Variants in UPP2 observed in about 807,000 individuals in gnomAD.
The protein encoded by UPP2 is UPase 2.
In UPP2, 23 loss-of-function variants were observed where a neutral mutation model predicts 26.7. That is an observed-to-expected ratio of 0.86 (90% CI 0.62 to 1.22). The LOEUF (loss-of-function observed/expected upper bound fraction) is 1.22. Among genes scored for constraint, UPP2 ranks in the 50% most tolerant of loss-of-function variants. UPP2 has a pLI of 0.00. For synonymous variants in UPP2, 127 were observed against 141.3 expected (o/e 0.90, Z 0.72); for missense variants, 387 against 396.7 (o/e 0.98, Z 0.21).
upstream of UPP2, among the ~76,000 whole-genome samples, chr2:158,101,363 C>T (rs1683071927): frequency 6.6e-6 from 1 of 152,150 alleles, no homozygotes; most frequent in African/African-American, 2.4e-5. Flanking sequence ...TACCAATGGC[C>T]TACAGTTTAA....
Position 158,003,462 on chromosome 2 carries a change from C to G in UPP2, c.61+8203C>G, listed in dbSNP as rs1683440481. 2.0e-5 allele frequency among the ~76,000 whole-genome samples: 3 copies of G among 152,122 alleles called. 1 individual carries two copies. In the South Asian group the frequency reaches 6.2e-4, roughly 32 times the overall value. On this transcript the variant is annotated intron_variant, in intron 2 of 9. Transcript: ENST00000605860. ...GTGGCTCATGCCTGTAATCCAAACA[C>G]TTTAGGAGGCCAAGGTGGGTGGATC...
chr2:158,046,455 CA>C (rs1217291088), intron 3 of UPP2, among the ~76,000 whole-genome samples: 1 of 152,158 alleles, frequency 6.6e-6, no homozygotes, highest in Non-Finnish European at 1.5e-5. Context: ...CTGCTTGCCC[CA>C]AGTTGTTTTT....
rs1682367909 is a variant in UPP2, at chr2:158,062,492, T to C, written c.148-39548T>C. On this transcript the variant is annotated intron_variant, in intron 3 of 9. Coordinates refer to the UPP2 transcript ENST00000605860. ...TTTAACCAGGGGTTTGCATCTTTTCTCAGGCACAGTGGGGAAAACATGCTA... is the reference window on the plus strand; with the variant it reads ...TTTAACCAGGGGTTTGCATCTTTTCCCAGGCACAGTGGGGAAAACATGCTA... Among the ~76,000 whole-genome samples, 3 of 148,986 alleles carry C rather than the reference T, an allele frequency of 2.0e-5. No homozygotes were observed. The South Asian group carries it at 6.4e-4, about 32-fold the overall frequency.
At chr2:158,031,402 G>C (rs549962478) in intron 3 of UPP2, among the ~76,000 whole-genome samples, 2 of 152,284 alleles carry the variant, frequency 1.3e-5, no homozygotes, top group Admixed American at 6.5e-5. Context: ...AAAGGAAATT[G>C]TTTCTTCCTG....
chr2:158,004,690 C>A (rs1295321999), intron 2 of UPP2, among the ~76,000 whole-genome samples: 2 of 152,166 alleles, frequency 1.3e-5, no homozygotes, highest in Non-Finnish European at 2.9e-5. Flanking sequence ...CAGTTAATAA[C>A]AAATTAACAT....
upstream of UPP2, among the ~76,000 whole-genome samples, chr2:158,097,793 G>C (rs543546876): frequency 2.0e-5 from 3 of 152,274 alleles, no homozygotes; most frequent in East Asian, 5.8e-4. Context: ...CTCCAAAAAA[G>C]AGCAAAACAA....
At chr2:158,006,127 T>C (rs1683483101) in intron 2 of UPP2, among the ~76,000 whole-genome samples, 1 of 152,200 alleles carries the variant, frequency 6.6e-6, no homozygotes, top group Non-Finnish European at 1.5e-5. Context: ...TTATGGCTAA[T>C]AAAGTTATTT....
At chr2:158,054,905 A>T (rs1682222724) in intron 3 of UPP2, among the ~76,000 whole-genome samples, 1 of 152,102 alleles carries the variant, frequency 6.6e-6, no homozygotes, top group African/African-American at 2.4e-5. Flanking sequence ...CATCTCCACA[A>T]CTTCTTTTAA....
chr2:158,014,203 C>A (rs1412465125), intron 2 of UPP2, among the ~76,000 whole-genome samples: 2 of 152,198 alleles, frequency 1.3e-5, no homozygotes, highest in African/African-American at 4.8e-5. Flanking sequence ...AGACTGCCAT[C>A]AGAAAGAGCC....
Position 158,084,832 on chromosome 2 carries a change from T to G in UPP2, c.148-17208T>G, listed in dbSNP as rs367712047. On this transcript the variant is annotated intron_variant, in intron 3 of 9. Transcript: ENST00000605860. ...TATTTGGGTTTATTTCTGGGTTCTC[T>G]ATTCTATTCCATTGGTCTGTATGCC... Among the ~76,000 whole-genome samples, 142 of 152,318 alleles carry G rather than the reference T, an allele frequency of 9.3e-4. 4 individuals carry two copies. In the South Asian group the frequency reaches 0.024, roughly 26 times the overall value.
At chr2:158,119,862 T>C (rs1683525433) in intron 4 of UPP2, among the ~76,000 whole-genome samples, 1 of 151,456 alleles carries the variant, frequency 6.6e-6, no homozygotes, top group Admixed American at 6.6e-5. Flanking sequence ...ATACAAAAAA[T>C]TAGTTAGGTG....
In UPP2 at chr2:158,134,907, G is replaced by A; in HGVS notation, c.*17G>A. 6.2e-7 allele frequency: 1 copy of A among 1,600,304 alleles called. No individual in the cohort carries two copies. The highest frequency in any genetic ancestry group is 8.5e-7 in the Non-Finnish European group (1 of 1,173,648). ...TGTGACTAGACGTCCTAACTGGGCA[G>A]CCCAACCCTCCCCTGCAAGTTTGTA... is the stretch of plus-strand genomic sequence containing the variant. On this transcript the variant is annotated 3_prime_UTR_variant, in exon 7 of 7. Transcript: ENST00000005756.
intron 3 of UPP2, among the ~76,000 whole-genome samples, chr2:158,069,326 C>A (rs1229651553): frequency 6.6e-6 from 1 of 152,170 alleles, no homozygotes; most frequent in Non-Finnish European, 1.5e-5. Context: ...TCAGCTGACA[C>A]AAGGTTAAGC....
chr2:158,041,272 T>C (rs1684078399), intron 3 of UPP2, among the ~76,000 whole-genome samples: 1 of 152,234 alleles, frequency 6.6e-6, no homozygotes, highest in Non-Finnish European at 1.5e-5. Context: ...TAGTATTTAT[T>C]TTATATTTAC....
intron 3 of UPP2, among the ~76,000 whole-genome samples, chr2:158,032,448 A>C (rs1262956029): frequency 1.3e-5 from 2 of 152,166 alleles, no homozygotes; most frequent in Admixed American, 1.3e-4. Context: ...CTTCCAGAAC[A>C]AAGGCTGCCT....
chr2:158,135,138 G>T lies in UPP2; in HGVS notation c.*248G>T. ...TAATAATTAAAATTTTAAAACTCCT[G>T]GATTATGACATTTGGAGTTTCATAT... is the stretch of plus-strand genomic sequence containing the variant. On this transcript the variant is annotated 3_prime_UTR_variant, in exon 7 of 7. Coordinates refer to ENST00000005756, the MANE Select transcript of UPP2 (RefSeq NM_173355.4). 1 of 359,032 alleles carries T rather than the reference G, an allele frequency of 2.8e-6. No individual in the cohort carries two copies. 22.2% of individuals were successfully genotyped at this position (359,032 alleles called of 1,614,324 possible).
chr2:158,132,751 C>A (rs1184767519), intron 6 of UPP2, among the ~76,000 whole-genome samples: 2 of 151,708 alleles, frequency 1.3e-5, no homozygotes, highest in Non-Finnish European at 2.9e-5. Flanking sequence ...TACAAAAGGC[C>A]AACAGATATA....
At chr2:158,084,709 T>C (rs570211429) in intron 3 of UPP2, among the ~76,000 whole-genome samples, 1 of 152,340 alleles carries the variant, frequency 6.6e-6, no homozygotes, top group South Asian at 2.1e-4. Flanking sequence ...TTCTCCTACA[T>C]GTGGCTTGCC....
chr2:158,107,919 T>TA (rs2105216036), intron 2 of UPP2, among the ~76,000 whole-genome samples: 1 of 152,266 alleles, frequency 6.6e-6, no homozygotes, highest in East Asian at 1.9e-4. Context: ...TTGGTTTACT[T>TA]ATGCTCCAAG....
Sources: gnomAD v4.1 joint callset for allele counts (sites outside exome capture counted in the v4.1 genomes callset) on GRCh38, gnomAD v4.1.1 for gene constraint, MANE v1.5 for transcripts, NCBI Gene and HGNC (gene_info 2026-07-23, HGNC 2026-07-21) for gene names.